The following ZSCAN25 variants were observed in gnomAD, a reference collection of about 807,000 sequenced individuals.
ZSCAN25 encodes zinc finger and SCAN domain-containing protein 25.
ZSCAN25 carries 27 observed loss-of-function variants against 38.7 expected under a neutral mutation model. That is an observed-to-expected ratio of 0.70 (90% confidence interval 0.51 to 0.96). ZSCAN25 has a LOEUF of 0.96. Among genes scored for constraint, ZSCAN25 ranks in the 40% least tolerant of loss-of-function variants. The probability of loss-of-function intolerance (pLI) is 0.00; values close to 1 mark genes in which losing one functional copy is unlikely to be tolerated. For missense variants in ZSCAN25, 637 were observed against 705.9 expected, an observed-to-expected ratio of 0.90 and a Z score of 1.11; for synonymous variants, 273 against 277.7, an observed-to-expected ratio of 0.98 and a Z score of 0.17.
At chr7:99,735,435 C>G in the ZSCAN25 span, among the ~76,000 whole-genome samples, 32 of 152,152 alleles carry the variant, frequency 2.1e-4, no homozygotes, top group East Asian at 1.7e-3. Flanking sequence ...GTTCTTATCA[C>G]AAACTCAAGT....
the ZSCAN25 span, chr7:99,638,679 G>C: frequency 6.5e-7 from 1 of 1,538,066 alleles, no homozygotes; most frequent in Non-Finnish European, 9.0e-7. Flanking sequence ...ACATTTACAG[G>C]ATTGTTGTCT....
chr7:99,618,608 T>C lies in ZSCAN25; in HGVS notation c.-175T>C, dbSNP rs1300531048. ...TACGTCTTGATTTTGTCTGACTCTT[T>C]GCCACCACCCTGATCTAAGCCCTTA... is the stretch of plus-strand genomic sequence containing the variant. On this transcript the variant is annotated 5_prime_UTR_variant, in exon 2 of 8. Transcript: ENST00000394152. 1 of 152,200 alleles carries C rather than the reference T, an allele frequency of 6.6e-6. No homozygotes were observed. The highest frequency in any genetic ancestry group is 1.5e-5 in the Non-Finnish European group (1 of 68,038). 9.4% of individuals were successfully genotyped at this position (152,200 alleles called of 1,614,324 possible).
chr7:99,640,448 G>A, the ZSCAN25 span, among the ~76,000 whole-genome samples: 2 of 152,126 alleles, frequency 1.3e-5, no homozygotes, highest in African/African-American at 2.4e-5. Flanking sequence ...GTGAGCCACC[G>A]CACCTGGCCT....
chr7:99,713,768 C>T, the ZSCAN25 span, among the ~76,000 whole-genome samples: 3 of 152,110 alleles, frequency 2.0e-5, no homozygotes, highest in Admixed American at 6.5e-5. Flanking sequence ...TTGGTCTTTT[C>T]CCTGGTCCTA....
rs1046903794 is a variant in ZSCAN25, at chr7:99,630,109, G to T, written c.*89G>T. 2.3e-5 allele frequency: 33 copies of T among 1,438,330 alleles called. No homozygotes were observed. Among genetic ancestry groups the T allele is most frequent in the South Asian group, 4.5e-5 (3 of 66,734 alleles). The allele number at this position is 1,438,330 out of a possible 1,614,324, so 89.1% of individuals were successfully genotyped here. A position where few individuals can be genotyped will look rare whatever the true frequency, so the allele number is the denominator to read the frequency against. On this transcript the variant is annotated 3_prime_UTR_variant, in exon 8 of 8. Transcript: ENST00000394152. ...AGGTGATGGCTGCAGGAAAGCACTGGTCCCATCGCCTTCCCACCCATTCGC... is the reference window on the plus strand; with the variant it reads ...AGGTGATGGCTGCAGGAAAGCACTGTTCCCATCGCCTTCCCACCCATTCGC...
chr7:99,693,682 GAGCA>G, the ZSCAN25 span, among the ~76,000 whole-genome samples: 1 of 152,244 alleles, frequency 6.6e-6, no homozygotes, highest in Non-Finnish European at 1.5e-5. Context: ...CACTAGCAGT[GAGCA>G]AGTCTCCGTG....
the ZSCAN25 span, among the ~76,000 whole-genome samples, chr7:99,734,788 A>C: frequency 6.6e-6 from 1 of 151,836 alleles, no homozygotes; most frequent in African/African-American, 2.4e-5. Flanking sequence ...TGCCCAGCTA[A>C]TTTTTGTAAT....
At chr7:99,700,759 A>G in the ZSCAN25 span, among the ~76,000 whole-genome samples, 2 of 152,122 alleles carry the variant, frequency 1.3e-5, no homozygotes, top group East Asian at 3.9e-4. Flanking sequence ...ATGGTGGGTG[A>G]CCAGAAATGT....
the ZSCAN25 span, chr7:99,705,495 G>A: frequency 6.2e-7 from 1 of 1,613,218 alleles, no homozygotes. Context: ...AAGTCCTTAG[G>A]GAAATCAGGC....
At chr7:99,702,803 G>A in the ZSCAN25 span, among the ~76,000 whole-genome samples, 1 of 152,142 alleles carries the variant, frequency 6.6e-6, no homozygotes, top group East Asian at 1.9e-4. Flanking sequence ...GGTATTTTGA[G>A]GGATTGCATT....
At chr7:99,721,703 A>G in the ZSCAN25 span, among the ~76,000 whole-genome samples, 2 of 152,278 alleles carry the variant, frequency 1.3e-5, no homozygotes, top group South Asian at 4.1e-4. Flanking sequence ...TTGTTTTACA[A>G]TAGCGAGTGT....
At chr7:99,700,042 T>G in the ZSCAN25 span, 4 of 1,601,812 alleles carry the variant, frequency 2.5e-6, no homozygotes, top group Non-Finnish European at 3.4e-6. Context: ...CATCGCCACT[T>G]GCCTTCTTCA....
At chr7:99,671,837 G>A in the ZSCAN25 span, 27 of 702,810 alleles carry the variant, frequency 3.8e-5, no homozygotes, top group African/African-American at 3.1e-4. Context: ...ACATGGTGAC[G>A]GAATGGGTCT....
the ZSCAN25 span, among the ~76,000 whole-genome samples, chr7:99,666,436 C>T: frequency 2.1e-4 from 32 of 152,256 alleles, no homozygotes; most frequent in South Asian, 4.2e-3. Context: ...GCTGACTTGC[C>T]GCCTCATGGG....
chr7:99,714,796 A>C, the ZSCAN25 span: 6 of 1,520,906 alleles, frequency 3.9e-6, no homozygotes, highest in South Asian at 7.2e-5. Context: ...CAGTGTTCTC[A>C]ACTGGAAGCC....
the ZSCAN25 span, among the ~76,000 whole-genome samples, chr7:99,685,868 C>T: frequency 5.3e-5 from 8 of 152,252 alleles, no homozygotes; most frequent in African/African-American, 1.2e-4. Context: ...CCCAGCATCA[C>T]GTTCTTTCCA....
the ZSCAN25 span, among the ~76,000 whole-genome samples, chr7:99,735,864 G>A: frequency 6.6e-6 from 1 of 152,186 alleles, no homozygotes; most frequent in Admixed American, 6.5e-5. Flanking sequence ...CAGAAAGGCT[G>A]GTGGAGTTGA....
In ZSCAN25 at chr7:99,631,683, C is replaced by T. The variant is rs1350554725; in HGVS notation, c.*1663C>T. 1.0e-6 allele frequency: 1 copy of T among 985,052 alleles called. No individual in the cohort carries two copies. The highest frequency in any genetic ancestry group is 1.2e-6 in the Non-Finnish European group (1 of 829,916). The allele number at this position is 985,052 out of a possible 1,614,324, so 61.0% of individuals were successfully genotyped here. Reference sequence around the variant, plus strand: ...TAATGACTAACACAAAGCTGTATTACTCAGCCCACTTTGAAACGTGGTTTT... The same window carrying T: ...TAATGACTAACACAAAGCTGTATTATTCAGCCCACTTTGAAACGTGGTTTT... On this transcript the variant is annotated 3_prime_UTR_variant, in exon 8 of 8. Transcript: ENST00000394152.
At chr7:99,731,765 A>G in the ZSCAN25 span, among the ~76,000 whole-genome samples, 33 of 152,130 alleles carry the variant, frequency 2.2e-4, no homozygotes, top group African/African-American at 7.2e-4. Context: ...CAGAGTCCTT[A>G]TTTCTACAGA....
Sources: allele counts gnomAD v4.1 joint callset (sites outside exome capture counted in the v4.1 genomes callset), GRCh38; gene constraint gnomAD v4.1.1; transcripts MANE v1.5; gene names NCBI Gene and HGNC (gene_info 2026-07-23, HGNC 2026-07-21).